TSGA10IP: variants seen among roughly 807,000 people sequenced by gnomAD.
TSGA10IP encodes the protein testis specific 10 interacting protein.
A neutral mutation model predicts 63.2 loss-of-function variants in TSGA10IP; 64 were observed. The ratio of observed to expected loss-of-function variants is 1.01; its 90% CI spans 0.83 to 1.25. TSGA10IP has a LOEUF of 1.25. Among genes scored for constraint, TSGA10IP ranks in the 50% most tolerant of loss-of-function variants. The pLI, the probability that TSGA10IP is intolerant of heterozygous loss-of-function variation, is 0.00. For synonymous variants in TSGA10IP, 316 were observed against 298.3 expected, an observed-to-expected ratio of 1.06 and a Z score of -0.61; for missense variants, 681 against 710.1, an observed-to-expected ratio of 0.96 and a Z score of 0.47.
At chr11:65,955,936 T>C (rs535665277) in intron 5 of TSGA10IP, among the ~76,000 whole-genome samples, 18 of 152,174 alleles carry the variant, frequency 1.2e-4, no homozygotes, top group Admixed American at 2.0e-4. Context: ...CAATGACACA[T>C]GTAACACAAA....
At position 65,951,518 on chromosome 11, in the gene TSGA10IP, TTTATTA is replaced by T. The variant is rs4013981; in HGVS notation, c.1152-2019_1152-2014del. Among the ~76,000 whole-genome samples the T allele has an allele frequency of 4.3e-3, 595 of 139,110 alleles. 30 individuals are homozygous for T. In the East Asian group the frequency reaches 0.1, roughly 24 times the overall value. 91.3% of individuals were successfully genotyped at this position (139,110 alleles called of 152,430 possible). A position where few individuals can be genotyped will look rare whatever the true frequency, so the allele number is the denominator to read the frequency against. On this transcript the variant is annotated intron_variant, in intron 4 of 7. Transcript: ENST00000532620. ...ATGTCTATTTGGGTTATTTGCTTATTTTATTATTATTATTATTATTATTATTATTAT... is the reference window on the plus strand; with the variant it reads ...ATGTCTATTTGGGTTATTTGCTTATTTTATTATTATTATTATTATTATTAT...
exon 3 of TSGA10IP, chr11:65,947,797 G>T: frequency 6.3e-7 from 1 of 1,575,024 alleles, no homozygotes; most frequent in Non-Finnish European, 8.6e-7. Context: ...TGGAGAAGCT[G>T]CACAGGCAGC....
At chr11:65,959,702 C>G (rs1290394678) in intron 7 of TSGA10IP, 115 bp from the exon 8 acceptor site, 2 of 1,405,910 alleles carry the variant, frequency 1.4e-6, no homozygotes, top group Non-Finnish European at 1.9e-6. Context: ...TCACTTTGCC[C>G]AGGATCACAC....
intron 4 of TSGA10IP, among the ~76,000 whole-genome samples, chr11:65,951,513 C>CGTATT: frequency 2.9e-5 from 2 of 68,290 alleles, no homozygotes; most frequent in Middle Eastern, 0.015. Context: ...GGGTTATTTG[C>CGTATT]TTATTTTATT....
rs1260688582 is a variant in TSGA10IP at position 65,949,473 on chromosome 11, G to A, written c.1151+1325G>A. Among the ~76,000 whole-genome samples, 6 of 150,674 alleles carry A rather than the reference G, an allele frequency of 4.0e-5. No homozygotes were observed. The South Asian group carries it at 1.3e-3, about 31-fold the overall frequency. Reference sequence around the variant, plus strand: ...ACTCTGTTGCCCAGGCTGGAGTGCAGTGGCACAGTCTTGGCTCACTGCAAC... The same window carrying A: ...ACTCTGTTGCCCAGGCTGGAGTGCAATGGCACAGTCTTGGCTCACTGCAAC... On this transcript the variant is annotated intron_variant, in intron 4 of 7. Transcript: ENST00000532620.
exon 7 of TSGA10IP, chr11:65,959,214 C>G: frequency 6.2e-7 from 1 of 1,606,114 alleles, no homozygotes; most frequent in African/African-American, 1.3e-5. Flanking sequence ...CACCGTCACT[C>G]GGCGCTTCTC....
chr11:65,953,953 G>A (rs1854985923), intron 5 of TSGA10IP, among the ~76,000 whole-genome samples: 1 of 152,222 alleles, frequency 6.6e-6, no homozygotes, highest in Admixed American at 6.5e-5. Context: ...CTGTTGAATG[G>A]TCAAGGTTAA....
chr11:65,959,026 G>A lies in TSGA10IP; in HGVS notation c.1422+44G>A, dbSNP rs777895929. The A allele has an allele frequency of 5.0e-6, 8 of 1,603,266 alleles. No individual in the cohort carries two copies. In the East Asian group the frequency reaches 6.7e-5, roughly 13 times the overall value. On this transcript the variant is annotated intron_variant, in intron 6 of 7. Coordinates refer to ENST00000532620, the Ensembl canonical transcript of TSGA10IP. ...CAAGCACATAGCTGCCCCCTGTGAA[G>A]AGCTGGCTGAGTGGGTAGGGAAGCA...
chr11:65,952,457 CTG>C (rs879568901), intron 4 of TSGA10IP, among the ~76,000 whole-genome samples: 15 of 150,318 alleles, frequency 1.0e-4, no homozygotes, highest in Non-Finnish European at 2.1e-4. Context: ...GTGTATGTGT[CTG>C]TGTGTGTGTG....
At chr11:65,945,550 C>T (rs1854809343) in exon 1 of TSGA10IP, 3 of 1,068,694 alleles carry the variant, frequency 2.8e-6, no homozygotes, top group East Asian at 2.6e-5. Context: ...GGAGATTGGC[C>T]TCACATACCC....
At chr11:65,949,850 GT>G (rs377116599) in intron 4 of TSGA10IP, among the ~76,000 whole-genome samples, 2,144 of 101,598 alleles carry the variant, frequency 0.021, 18 homozygotes, top group African/African-American at 0.08. Context: ...CATTACCTCG[GT>G]TTTTTTTTTT....
Position 65,953,483 on chromosome 11 carries a change from C to T in TSGA10IP, c.1152-84C>T, listed in dbSNP as rs548615419. 95 of 1,463,108 alleles carry T rather than the reference C, an allele frequency of 6.5e-5. No individual in the cohort carries two copies. The African/African-American group carries it at 1.3e-3, about 19-fold the overall frequency. The allele number at this position is 1,463,108 out of a possible 1,614,324, so 90.6% of individuals were successfully genotyped here. A position where few individuals can be genotyped will look rare whatever the true frequency, so the allele number is the denominator to read the frequency against. On this transcript the variant is annotated intron_variant, in intron 4 of 7. Transcript: ENST00000532620. ...ACTGCAGCCCCTCCCCACAGGCTTC[C>T]ATATTCCCTTATCCAGCCCCTGGCC...
rs539059012 is a variant in TSGA10IP, at chr11:65,945,739, C to A, written c.64C>A (p.Pro22Thr). 3.2e-5 allele frequency: 51 copies of A among 1,612,054 alleles called. 1 individual carries two copies. In the East Asian group the frequency reaches 1.0e-3, roughly 32 times the overall value. The stretch of plus-strand genomic sequence containing the variant: ...GTTGGTTAGGACCCCGTCGGTGCGA[C>A]CAGGGCAGGACGTGCGGCTCCAGGC... The change falls in exon 1 of 8, where the codon CCA becomes ACA. Residue 22 changes from proline to threonine, a missense_variant. Physicochemically the swap from Pro to Thr is conservative, Grantham distance 38. Transcript: ENST00000532620.
chr11:65,959,561 C>T (rs983356170), intron 7 of TSGA10IP, among the ~76,000 whole-genome samples: 8 of 152,172 alleles, frequency 5.3e-5, no homozygotes, highest in Non-Finnish European at 8.8e-5. Context: ...ACCATCTGAG[C>T]GGCCACACAC....
chr11:65,945,820 C>T lies in TSGA10IP; in HGVS notation c.145C>T (p.Gln49Ter). 6.2e-7 allele frequency: 1 copy of T among 1,613,538 alleles called. No homozygotes were observed. The highest frequency in any genetic ancestry group is 2.2e-5 in the East Asian group (1 of 44,874). Residue 49 changes from glutamine (Q) to a stop codon, truncating the protein, a stop_gained and splice_region_variant, in exon 1 of 8, where the codon CAG becomes TAG. Transcript: ENST00000532620. LOFTEE classifies it high-confidence loss of function. ...GCTGTCGACCGTCTCTCAGGACAAGCAGGTGAGGGAGGCCCAGTGAGGACA... is the reference window on the plus strand; with the variant it reads ...GCTGTCGACCGTCTCTCAGGACAAGTAGGTGAGGGAGGCCCAGTGAGGACA...
chr11:65,950,797 C>T (rs543026955), intron 4 of TSGA10IP, among the ~76,000 whole-genome samples: 1 of 152,196 alleles, frequency 6.6e-6, no homozygotes, highest in East Asian at 1.9e-4. Context: ...ATCCTGACCT[C>T]GTGATCCACC....
chr11:65,958,392 T>C (rs1855060439), intron 5 of TSGA10IP, among the ~76,000 whole-genome samples: 1 of 152,154 alleles, frequency 6.6e-6, no homozygotes, highest in Admixed American at 6.5e-5. Flanking sequence ...CAGAGAATGC[T>C]GGCAAGCTTG....
At position 65,947,392 on chromosome 11, in the gene TSGA10IP, G is replaced by C. The variant is rs752142864; in HGVS notation, c.567G>C (p.Glu189Asp). The C allele has an allele frequency of 1.9e-6, 3 of 1,612,876 alleles. No homozygotes were observed. In the African/African-American group the frequency reaches 4.0e-5, roughly 22 times the overall value. The change falls in exon 3 of 8, where the codon GAG (glutamate) becomes GAC (aspartate). Residue 189 changes from glutamate (E) to aspartate (D), a missense_variant. Transcript: ENST00000532620. The stretch of plus-strand genomic sequence containing the variant: ...TCTCCATCCCTACTGGCAAAGGGGA[G>C]CTAGGATCAGAGCCCCCCAGTGGTC...
rs781578982 is a variant in TSGA10IP at position 65,953,650 on chromosome 11, A to G, written c.1235A>G (p.Gln412Arg). ...CGGCGGGCCCGGACACAGCATGTAC[A>G]GCGGCAGGTGGCCCACTGCCTGGCA... Residue 412 changes from glutamine (Q) to arginine (R), a missense_variant, in exon 5 of 8, where the codon CAG becomes CGG. Transcript: ENST00000532620. 3.8e-6 allele frequency: 6 copies of G among 1,590,804 alleles called. No homozygotes were observed. The African/African-American group carries it at 4.1e-5, about 11-fold the overall frequency.
Sources: allele counts gnomAD v4.1 joint callset (sites outside exome capture counted in the v4.1 genomes callset), GRCh38; gene constraint gnomAD v4.1.1; transcripts MANE v1.5; gene names NCBI Gene and HGNC (gene_info 2026-07-23, HGNC 2026-07-21).